Variants in MYH10 observed in about 807,000 individuals in gnomAD.
MYH10 encodes myosin-10.
Under a neutral mutation model 257.8 loss-of-function variants are expected in MYH10, and 55 were observed. The ratio of observed to expected loss-of-function variants is 0.21; its 90% CI spans 0.17 to 0.27. The LOEUF is 0.27. Ranked by LOEUF, MYH10 falls within the 10% of genes least tolerant of loss-of-function variation. MYH10 has a pLI of 1.00. For missense variants in MYH10, 1,631 were observed against 2,500.6 expected, an observed-to-expected ratio of 0.65 and a Z score of 7.42; for synonymous variants, 854 against 921.7, an observed-to-expected ratio of 0.93 and a Z score of 1.33.
Position 8,535,637 on chromosome 17 carries a change from G to C in MYH10, c.1779+121C>G. On this transcript the variant is annotated intron_variant, in intron 15 of 42. Transcript: ENST00000360416. The surrounding 1 kb of genome is among the most constrained non-coding windows in gnomAD (Gnocchi z 4.3). ...GGGCTGTCTGAAAGACAATATGTTT[G>C]TAATATATACTGTATTTGTTTATAA... The C allele has an allele frequency of 8.1e-7, 1 of 1,231,828 alleles. No homozygotes were observed. The highest frequency in any genetic ancestry group is 2.2e-5 in the Admixed American group (1 of 45,312). The allele number at this position is 1,231,828 out of a possible 1,614,324, so 76.3% of individuals were successfully genotyped here.
At chr17:8,527,196 A>C (rs531031921) in intron 17 of MYH10, among the ~76,000 whole-genome samples, 1 of 152,354 alleles carries the variant, frequency 6.6e-6, no homozygotes, top group East Asian at 1.9e-4. Context: ...CAGTGGTTAC[A>C]TAACTAGTTG....
At position 8,569,941 on chromosome 17, in the gene MYH10, C is replaced by T; in HGVS notation, c.664-129G>A. On this transcript the variant is annotated intron_variant, in intron 6 of 42. Transcript: ENST00000360416. The surrounding 1 kb of genome is among the most constrained non-coding windows in gnomAD (Gnocchi z 4.1). ...TTCCTCAGTTCTTTCATTCTGTCTGCCATCCAGCAACTTTTGTTGGCTTCT... is the reference window on the plus strand; with the variant it reads ...TTCCTCAGTTCTTTCATTCTGTCTGTCATCCAGCAACTTTTGTTGGCTTCT... 1 of 644,996 alleles carries T rather than the reference C, an allele frequency of 1.6e-6. No homozygotes were observed. Among genetic ancestry groups the T allele is most frequent in the South Asian group, 2.7e-5 (1 of 37,068 alleles). The allele number at this position is 644,996 out of a possible 1,614,324, so 40.0% of individuals were successfully genotyped here.
In MYH10 at chr17:8,490,330, T is replaced by A; in HGVS notation, c.4884+10A>T. The A allele has an allele frequency of 1.2e-6, 2 of 1,612,754 alleles. No individual in the cohort carries two copies. The highest frequency in any genetic ancestry group is 1.1e-5 in the South Asian group (1 of 91,084). On this transcript the variant is annotated intron_variant, in intron 35 of 42. Transcript: ENST00000360416. The surrounding 1 kb of genome is among the most constrained non-coding windows in gnomAD (Gnocchi z 4.1). Reference sequence around the variant, plus strand: ...ACCCCTTGTTGTGGAGGCCGCACCCTCTGCCCTACCTGTTTGATCAGCAGC... The same window carrying A: ...ACCCCTTGTTGTGGAGGCCGCACCCACTGCCCTACCTGTTTGATCAGCAGC...
At chr17:8,478,188 G>A (rs1472974678) in intron 41 of MYH10, 150 bp downstream of exon 41, 9 of 670,360 alleles carry the variant, frequency 1.3e-5, no homozygotes, top group Non-Finnish European at 2.3e-5. Flanking sequence ...CGGGTACTGG[G>A]AGTGCCCACC....
chr17:8,481,661 A>G (rs545208094), intron 37 of MYH10, among the ~76,000 whole-genome samples: 2 of 152,300 alleles, frequency 1.3e-5, no homozygotes, highest in African/African-American at 4.8e-5. Context: ...CTTTGCTGTC[A>G]CCTCCAACGT....
In MYH10 at chr17:8,478,361, G is replaced by A. The variant is rs2151764534; in HGVS notation, c.5683C>T (p.His1895Tyr). 1 of 1,614,136 alleles carries A rather than the reference G, an allele frequency of 6.2e-7. No individual in the cohort carries two copies. Among genetic ancestry groups the A allele is most frequent in the Middle Eastern group, 1.6e-4 (1 of 6,062 alleles). The change falls in exon 41 of 43, where the codon CAC (histidine) becomes TAC (tyrosine). Residue 1895 changes from histidine to tyrosine, a missense_variant. Physicochemically the swap from His to Tyr is moderately conservative, Grantham distance 83 (BLOSUM62 2). Coordinates refer to ENST00000360416, the MANE Select transcript of MYH10 (RefSeq NM_001256012.3). Reference protein sequence around the residue: ...IFMQVEDERRHADQYKEQMEK... With the variant: ...IFMQVEDERRYADQYKEQMEK... ...ACCTGCTCTTTATACTGGTCCGCGT[G>A]TCGACGCTCATCCTCAACCTGCATG...
At chr17:8,478,802 C>T (rs9674442) in intron 40 of MYH10, among the ~76,000 whole-genome samples, 60,690 of 152,032 alleles carry the variant, frequency 0.4, 12,135 homozygotes, top group South Asian at 0.45. Flanking sequence ...GCCATCTCTG[C>T]TCGCTGCAAC....
At chr17:8,526,340 G>A (rs995763615) in intron 17 of MYH10, among the ~76,000 whole-genome samples, 27 of 152,298 alleles carry the variant, frequency 1.8e-4, no homozygotes, top group African/African-American at 5.1e-4. Flanking sequence ...TGGGCGGCGC[G>A]CCTCACTGGA....
chr17:8,510,199 C>T lies in MYH10; in HGVS notation c.2953-250G>A, dbSNP rs562169878. Among the ~76,000 whole-genome samples the T allele has an allele frequency of 7.4e-3, 1,124 of 151,950 alleles. 4 individuals carry two copies. Among genetic ancestry groups the T allele is most frequent in the Middle Eastern group, 0.01 (3 of 292 alleles). ...GACTACAGGTGCCCGCCACCACGCC[C>T]GGCTAATTTTTTGATTTTTTTTTTG... On this transcript the variant is annotated intron_variant, in intron 24 of 42. Coordinates refer to ENST00000360416, the MANE Select transcript of MYH10 (RefSeq NM_001256012.3).
At chr17:8,550,622 C>T (rs2082607469) in intron 9 of MYH10, among the ~76,000 whole-genome samples, 1 of 152,148 alleles carries the variant, frequency 6.6e-6, no homozygotes, top group South Asian at 2.1e-4. Context: ...GCCCGGCCAC[C>T]ACCCCGTCTG....
intron 35 of MYH10, 83 bp from the exon 36 acceptor site, chr17:8,487,677 C>T: frequency 6.6e-7 from 1 of 1,523,240 alleles, no homozygotes; most frequent in Non-Finnish European, 9.0e-7. Context: ...GTGGGGGGCT[C>T]TGGTTACTCG....
chr17:8,509,678 G>C (rs1048412406), intron 25 of MYH10, 134 bp downstream of exon 25: 67 of 811,198 alleles, frequency 8.3e-5, no homozygotes, highest in Non-Finnish European at 1.2e-4. Context: ...GAGACTTACA[G>C]AGAAAATTCA....
chr17:8,500,083 A>C (rs1917279158), intron 29 of MYH10, among the ~76,000 whole-genome samples: 1 of 152,254 alleles, frequency 6.6e-6, no homozygotes, highest in African/African-American at 2.4e-5. Flanking sequence ...AAGATTAAGG[A>C]AGGCAACTCG....
rs779583183 is a variant in MYH10 at position 8,495,198 on chromosome 17, T to C, written c.3995A>G (p.Lys1332Arg). Reference sequence around the variant, plus strand: ...ATCCTTAGCAAATTTAATACCCTTCTTCTCTGCTTCTTCCAGAAGGGTGGA... The same window carrying C: ...ATCCTTAGCAAATTTAATACCCTTCCTCTCTGCTTCTTCCAGAAGGGTGGA... Reference protein sequence around the residue: ...NVSTLLEEAEKKGIKFAKDAA... With the variant: ...NVSTLLEEAERKGIKFAKDAA... Residue 1332 changes from lysine to arginine, a missense_variant, in exon 31 of 43, where the codon AAG (lysine) becomes AGG (arginine). Lys to Arg is a conservative substitution (Grantham distance 26). This residue lies in a region of MYH10 where 463 missense variants were observed against 621.8 expected (regional missense o/e 0.74). Transcript: ENST00000360416. 5 of 1,613,488 alleles carry C rather than the reference T, an allele frequency of 3.1e-6. No homozygotes were observed. The highest frequency in any genetic ancestry group is 2.7e-5 in the African/African-American group (2 of 74,922).
rs536058299 is a variant in MYH10 at position 8,481,198 on chromosome 17, A to G, written c.5264+124T>C. ...TGGCACGGGGTACCATGGCTGAGGC[A>G]GCCCAGGCCCAGCGAGGGAGGAGCA... On this transcript the variant is annotated intron_variant, in intron 38 of 42. Coordinates refer to ENST00000360416, the MANE Select transcript of MYH10 (RefSeq NM_001256012.3). 5 of 903,860 alleles carry G rather than the reference A, an allele frequency of 5.5e-6. No homozygotes were observed. The African/African-American group carries it at 6.6e-5, about 12-fold the overall frequency. The allele number at this position is 903,860 out of a possible 1,614,324, so 56.0% of individuals were successfully genotyped here. A position where few individuals can be genotyped will look rare whatever the true frequency, so the allele number is the denominator to read the frequency against.
intron 3 of MYH10, among the ~76,000 whole-genome samples, chr17:8,600,033 G>A (rs2152068941): frequency 6.6e-6 from 1 of 152,278 alleles, no homozygotes; most frequent in Non-Finnish European, 1.5e-5. Context: ...AGAGTGGGAG[G>A]ACCAAGGTAG....
At chr17:8,625,915 G>A (rs1271397455) in intron 1 of MYH10, among the ~76,000 whole-genome samples, 1 of 152,110 alleles carries the variant, frequency 6.6e-6, no homozygotes, top group East Asian at 1.9e-4. Context: ...AGGTATGTTA[G>A]AGTAGAAAAA....
intron 6 of MYH10, among the ~76,000 whole-genome samples, chr17:8,571,077 GGTTTA>G (rs1452211567): frequency 6.6e-6 from 1 of 152,048 alleles, no homozygotes; most frequent in Non-Finnish European, 1.5e-5. Flanking sequence ...ACATGGCATC[GGTTTA>G]TTTTCTTGGC....
chr17:8,514,294 T>C (rs1297293034), intron 21 of MYH10, among the ~76,000 whole-genome samples: 1 of 152,164 alleles, frequency 6.6e-6, no homozygotes, highest in Admixed American at 6.5e-5. Context: ...CTACTCTCGT[T>C]TTCCTTTTGA....
Sources: allele counts gnomAD v4.1 joint callset (sites outside exome capture counted in the v4.1 genomes callset), GRCh38; gene constraint gnomAD v4.1.1; regional missense constraint gnomAD v4.1.1; non-coding constraint Gnocchi (gnomAD v3.1); transcripts MANE v1.5; gene names NCBI Gene and HGNC (gene_info 2026-07-23, HGNC 2026-07-21).